The following GAREM2 variants were observed in gnomAD, a reference collection of about 807,000 sequenced individuals.
The protein encoded by GAREM2 is GRB2-associated and regulator of MAPK protein 2.
GAREM2 carries 30 observed loss-of-function variants against 55.6 expected under a neutral mutation model. The observed-to-expected ratio is 0.54, with a 90% confidence interval of 0.40 to 0.73. The LOEUF (loss-of-function observed/expected upper bound fraction) is 0.73, where lower values mean the gene tolerates loss of function less well. GAREM2 is among the 30% of genes least tolerant of loss of function. GAREM2 has a pLI of 0.00. For missense variants in GAREM2, 1,075 were observed against 1,257.7 expected, an observed-to-expected ratio of 0.85 and a Z score of 2.20; for synonymous variants, 550 against 569.1, an observed-to-expected ratio of 0.97 and a Z score of 0.48.
intron 5 of GAREM2, 116 bp downstream of exon 5, chr2:26,186,474 G>A (rs1478443513): frequency 5.0e-6 from 5 of 991,712 alleles, no homozygotes; most frequent in African/African-American, 3.2e-5. Context: ...GGAGATTCCC[G>A]AGGGTGCAGC....
the GAREM2 span, chr2:26,197,713 G>T: frequency 6.6e-7 from 1 of 1,515,596 alleles, no homozygotes; most frequent in Non-Finnish European, 9.2e-7. Context: ...TTTGCTGACA[G>T]CAGCGATTTC....
At chr2:26,190,599 C>T (rs926255831), downstream of GAREM2, 3 of 156,128 alleles carry the variant, frequency 1.9e-5, no homozygotes, top group African/African-American at 7.2e-5. Flanking sequence ...GAGGCACACC[C>T]AGAAAAGAAA....
downstream of GAREM2, chr2:26,192,501 G>T: frequency 1.2e-6 from 1 of 861,250 alleles, no homozygotes; most frequent in Non-Finnish European, 2.0e-6. Context: ...CAGAACCCTG[G>T]CCTGGCCAGG....
At chr2:26,175,893 G>A (rs1473613196) in intron 1 of GAREM2, among the ~76,000 whole-genome samples, 2 of 152,126 alleles carry the variant, frequency 1.3e-5, no homozygotes, top group African/African-American at 2.4e-5. Context: ...GTCTCCCTTC[G>A]CCACCACACC....
chr2:26,202,133 C>T, the GAREM2 span, among the ~76,000 whole-genome samples: 5 of 152,262 alleles, frequency 3.3e-5, no homozygotes, highest in East Asian at 7.7e-4. Flanking sequence ...AGAGACCAAG[C>T]ATTATTTCCT....
At chr2:26,192,920 A>C (rs1669553346), downstream of GAREM2, among the ~76,000 whole-genome samples, 1 of 152,156 alleles carries the variant, frequency 6.6e-6, no homozygotes, top group Non-Finnish European at 1.5e-5. Flanking sequence ...GAGCTTGGGC[A>C]TCTGTGTACA....
chr2:26,204,132 C>G, the GAREM2 span: 1 of 1,613,764 alleles, frequency 6.2e-7, no homozygotes, highest in African/African-American at 1.3e-5. Flanking sequence ...GTCTTTAGCC[C>G]CTTATCCACG....
chr2:26,194,452 A>C, downstream of GAREM2: 2 of 756,314 alleles, frequency 2.6e-6, no homozygotes, highest in Non-Finnish European at 4.8e-6. Context: ...GGACCTTCCT[A>C]GACAAGAGCA....
At chr2:26,173,358 C>A in intron 1 of GAREM2, 26 bp downstream of exon 1, 1 of 1,276,764 alleles carries the variant, frequency 7.8e-7, no homozygotes, top group Non-Finnish European at 1.0e-6. Flanking sequence ...GAGATGGGGA[C>A]CGGGGTCCGC....
intron 4 of GAREM2, 85 bp downstream of exon 4, chr2:26,185,361 G>T (rs1669216529): frequency 3.6e-6 from 5 of 1,399,698 alleles, no homozygotes; most frequent in Non-Finnish European, 4.6e-6. Context: ...GGAGTATGTG[G>T]CAGACGAGGT....
In GAREM2 at chr2:26,188,311, A is replaced by C. The variant is rs1308069914; in HGVS notation, c.*54A>C. On this transcript the variant is annotated 3_prime_UTR_variant, in exon 6 of 6. Transcript: ENST00000401533. ...ATGCTGGTATGGGGGCCCCAGGTACAGCACTCCGGAGGAGCAGGTGCTGCC... is the reference window on the plus strand; with the variant it reads ...ATGCTGGTATGGGGGCCCCAGGTACCGCACTCCGGAGGAGCAGGTGCTGCC... The C allele has an allele frequency of 6.7e-6, 9 of 1,333,624 alleles. No homozygotes were observed. In the Middle Eastern group the frequency reaches 8.5e-4, roughly 127 times the overall value. The allele number at this position is 1,333,624 out of a possible 1,614,324, so 82.6% of individuals were successfully genotyped here.
the GAREM2 span, among the ~76,000 whole-genome samples, chr2:26,199,790 A>C: frequency 6.6e-6 from 1 of 152,138 alleles, no homozygotes; most frequent in Non-Finnish European, 1.5e-5. Flanking sequence ...TTCTCTTGGA[A>C]GCCTGCAGCC....
downstream of GAREM2, among the ~76,000 whole-genome samples, chr2:26,189,854 C>A (rs1326881156): frequency 6.6e-6 from 1 of 152,168 alleles, no homozygotes; most frequent in African/African-American, 2.4e-5. Flanking sequence ...CCCTCCCTAC[C>A]CTTCAAGAAC....
At chr2:26,191,713 T>G (rs1186248914), downstream of GAREM2, 1 of 1,379,798 alleles carries the variant, frequency 7.2e-7, no homozygotes, top group Non-Finnish European at 1.0e-6. Context: ...GAAGTCGGGA[T>G]GGGTGCATGG....
At position 26,188,926 on chromosome 2, in the gene GAREM2, T is replaced by A. The variant is rs980697834; in HGVS notation, c.*669T>A. 6.6e-6 allele frequency: 1 copy of A among 152,262 alleles called. No individual in the cohort carries two copies. Among genetic ancestry groups the A allele is most frequent in the African/African-American group, 2.4e-5 (1 of 41,442 alleles). 9.4% of individuals were successfully genotyped at this position (152,262 alleles called of 1,614,324 possible). A position where few individuals can be genotyped will look rare whatever the true frequency, so the allele number is the denominator to read the frequency against. ...ACTTTGGAAGAGCACAGCTCTGCAA[T>A]TGACCCGACCCACTTATCTAGTTAG... is the stretch of plus-strand genomic sequence containing the variant. On this transcript the variant is annotated 3_prime_UTR_variant, in exon 6 of 6. Transcript: ENST00000401533.
chr2:26,191,841 T>G (rs1254388718), downstream of GAREM2, among the ~76,000 whole-genome samples: 1 of 152,208 alleles, frequency 6.6e-6, no homozygotes, highest in Non-Finnish European at 1.5e-5. Context: ...ACTGAGCACC[T>G]AGAACAGGGC....
the GAREM2 span, among the ~76,000 whole-genome samples, chr2:26,196,611 A>C: frequency 6.6e-6 from 1 of 152,284 alleles, no homozygotes; most frequent in East Asian, 1.9e-4. Flanking sequence ...CTCCCGGGCA[A>C]ACCAAGATGG....
chr2:26,202,453 C>T, the GAREM2 span, among the ~76,000 whole-genome samples: 1 of 152,088 alleles, frequency 6.6e-6, no homozygotes, highest in South Asian at 2.1e-4. Flanking sequence ...CAAAGAAGGT[C>T]TTAAGGGCTG....
chr2:26,179,193 C>G lies in GAREM2; in HGVS notation c.253+2709C>G, dbSNP rs1315863484. Among the ~76,000 whole-genome samples, 2 of 152,254 alleles carry G rather than the reference C, an allele frequency of 1.3e-5. No individual in the cohort carries two copies. The highest frequency in any genetic ancestry group is 3.9e-4 in the East Asian group (2 of 5,168). On this transcript the variant is annotated intron_variant, in intron 2 of 5. Transcript: ENST00000401533. This position sits in a 1 kb window ranked among gnomAD's most constrained non-coding sequence, Gnocchi z 4.7. ...GCCTGGCCCCGTACTGTCCCCCGTC[C>G]CAGCCCCCGCCCCTGGCCCTGCGGG... is the stretch of plus-strand genomic sequence containing the variant.
Sources: allele counts gnomAD v4.1 joint callset (sites outside exome capture counted in the v4.1 genomes callset), GRCh38; gene constraint gnomAD v4.1.1; non-coding constraint Gnocchi (gnomAD v3.1); transcripts MANE v1.5; gene names NCBI Gene and HGNC (gene_info 2026-07-23, HGNC 2026-07-21).